SF3B3: variants seen among roughly 807,000 people sequenced by gnomAD.
The protein encoded by SF3B3 is splicing factor 3b subunit 3.
In SF3B3, 33 loss-of-function variants were observed where a neutral mutation model predicts 139.2. The observed-to-expected ratio is 0.24, with a 90% CI of 0.18 to 0.32. SF3B3 has a LOEUF of 0.32. SF3B3 is among the 10% of genes least tolerant of loss of function. SF3B3 has a pLI of 1.00. For missense variants in SF3B3, 818 were observed against 1,509.4 expected, an observed-to-expected ratio of 0.54 and a Z score of 7.59; for synonymous variants, 596 against 563.6, an observed-to-expected ratio of 1.06 and a Z score of -0.81.
chr16:70,528,073 C>G (rs945286981), intron 2 of SF3B3, among the ~76,000 whole-genome samples: 1 of 151,924 alleles, frequency 6.6e-6, no homozygotes, highest in African/African-American at 2.4e-5. Flanking sequence ...CTGTGCCCTG[C>G]TGAAAGCACA....
At chr16:70,536,457 G>C (rs112632545) in intron 6 of SF3B3, among the ~76,000 whole-genome samples, 2 of 152,028 alleles carry the variant, frequency 1.3e-5, no homozygotes, top group South Asian at 4.2e-4. Flanking sequence ...TCCGCCTCCC[G>C]GGTTCACGCC....
At chr16:70,556,422 G>A in intron 14 of SF3B3, 88 bp downstream of exon 14, 1 of 1,429,086 alleles carries the variant, frequency 7.0e-7, no homozygotes, top group Non-Finnish European at 9.8e-7. Context: ...CACTCCTGAT[G>A]TCTATCTCTG....
At chr16:70,544,813 C>G (rs756165803) in intron 10 of SF3B3, among the ~76,000 whole-genome samples, 17 of 151,768 alleles carry the variant, frequency 1.1e-4, no homozygotes, top group African/African-American at 3.9e-4. Context: ...GCCTCAGCCT[C>G]CCAAAGTGTT....
At chr16:70,567,637 G>T in intron 21 of SF3B3, 101 bp downstream of exon 21, 3 of 1,376,934 alleles carry the variant, frequency 2.2e-6, no homozygotes. Context: ...ATCTTTATTA[G>T]GACTTGTTGT....
At chr16:70,532,648 C>T (rs568280835) in intron 5 of SF3B3, 28 bp downstream of exon 5, 6 of 1,610,950 alleles carry the variant, frequency 3.7e-6, no homozygotes, top group Non-Finnish European at 3.4e-6. Flanking sequence ...CTGCTTTGTA[C>T]CCTTTTACTT....
rs1303470296 is a variant in SF3B3, at chr16:70,575,361, G to C, written c.*3548G>C. 6.6e-6 allele frequency: 1 copy of C among 151,772 alleles called. No homozygotes were observed. Among genetic ancestry groups the C allele is most frequent in the Non-Finnish European group, 1.5e-5 (1 of 67,976 alleles). The allele number at this position is 151,772 out of a possible 1,614,324, so 9.4% of individuals were successfully genotyped here. A position where few individuals can be genotyped will look rare whatever the true frequency, so the allele number is the denominator to read the frequency against. On this transcript the variant is annotated 3_prime_UTR_variant, in exon 26 of 26. Transcript: ENST00000302516. ...CTACAGGCATGCACCACCATGCCTG[G>C]CTAATTTTTGTATTTTTAGTAGAGA...
At position 70,565,464 on chromosome 16, in the gene SF3B3, G is replaced by A. The variant is rs1426617817; in HGVS notation, c.2766G>A (p.Gly922=). Reference sequence around the variant, plus strand: ...TACTAAACCCCCGATCTGTGGCAGGGGGCTTCGTCTATACTTACAAGCTTG... The same window carrying A: ...TACTAAACCCCCGATCTGTGGCAGGAGGCTTCGTCTATACTTACAAGCTTG... ...DLILNPRSVA[G]GFVYTYKLVN... The change falls in exon 20 of 26, where the codon GGG becomes GGA. Residue 922 remains glycine, a synonymous_variant. Coordinates refer to ENST00000302516, the MANE Select transcript of SF3B3 (RefSeq NM_012426.5). 6.2e-7 allele frequency: 1 copy of A among 1,614,062 alleles called. No individual in the cohort carries two copies. The highest frequency in any genetic ancestry group is 1.3e-5 in the African/African-American group (1 of 74,916).
Position 70,556,165 on chromosome 16 carries a change from C to A in SF3B3, c.1711-14C>A, listed in dbSNP as rs772621233. On this transcript the variant is annotated splice_polypyrimidine_tract_variant and intron_variant, in intron 13 of 25. Transcript: ENST00000302516. ...CTCTGTAGTTTTGACCTTGCTGTGT[C>A]TTTCCTCCTGTAGTCAGGACAGCTG... 1 of 1,613,958 alleles carries A rather than the reference C, an allele frequency of 6.2e-7. No homozygotes were observed. Among genetic ancestry groups the A allele is most frequent in the Non-Finnish European group, 8.5e-7 (1 of 1,179,960 alleles).
At chr16:70,549,591 T>C (rs2050302161) in intron 11 of SF3B3, among the ~76,000 whole-genome samples, 1 of 152,236 alleles carries the variant, frequency 6.6e-6, no homozygotes, top group Non-Finnish European at 1.5e-5. Context: ...TTGTGTTCTT[T>C]CTTTTTTTCT....
intron 10 of SF3B3, among the ~76,000 whole-genome samples, 153 bp from the exon 11 acceptor site, chr16:70,548,217 T>G (rs1396571275): frequency 6.6e-6 from 1 of 152,176 alleles, no homozygotes; most frequent in African/African-American, 2.4e-5. Flanking sequence ...GCCTGTTTGG[T>G]TCTTAGATTC....
At chr16:70,529,569 T>G (rs2151774805) in intron 3 of SF3B3, 1 of 229,950 alleles carries the variant, frequency 4.3e-6, no homozygotes, top group East Asian at 1.2e-4. Context: ...AAGAAAATTT[T>G]TGTGTGTCTG....
At chr16:70,545,108 A>G (rs2050255396) in intron 10 of SF3B3, among the ~76,000 whole-genome samples, 1 of 152,006 alleles carries the variant, frequency 6.6e-6, no homozygotes, top group African/African-American at 2.4e-5. Flanking sequence ...TCTGTCTCCC[A>G]TGCTGGAGTG....
At chr16:70,566,004 C>G (rs1178025435) in intron 20 of SF3B3, among the ~76,000 whole-genome samples, 2 of 151,978 alleles carry the variant, frequency 1.3e-5, no homozygotes, top group African/African-American at 2.4e-5. Context: ...GTAATCCCAG[C>G]TGCTCGGGAG....
At chr16:70,556,087 T>G (rs371746248) in intron 13 of SF3B3, 92 bp from the exon 14 acceptor site, 2 of 1,324,216 alleles carry the variant, frequency 1.5e-6, no homozygotes, top group Admixed American at 3.7e-5. Flanking sequence ...ACAGCCCTCC[T>G]TCATTCTCTG....
At chr16:70,530,091 A>G (rs2050105632) in intron 3 of SF3B3, among the ~76,000 whole-genome samples, 1 of 151,346 alleles carries the variant, frequency 6.6e-6, no homozygotes. Context: ...GCGCTACTGC[A>G]CTCCAGCCCG....
chr16:70,539,010 T>C, intron 7 of SF3B3, 94 bp from the exon 8 acceptor site: 1 of 908,842 alleles, frequency 1.1e-6, no homozygotes, highest in Non-Finnish European at 1.8e-6. Context: ...AGATATGAAA[T>C]ACAGTATTTT....
intron 19 of SF3B3, 22 bp from the exon 20 acceptor site, chr16:70,565,346 T>C: frequency 6.2e-7 from 1 of 1,614,010 alleles, no homozygotes; most frequent in East Asian, 2.2e-5. Flanking sequence ...GGCCTTACTC[T>C]TGCTTCTTAT....
chr16:70,538,141 G>A lies in SF3B3; in HGVS notation c.826-182G>A, dbSNP rs1470152057. ...TCTTTTGGTTACCCAGATTTTATTAGATATTTATATTAGAATTTTGAGCTG... is the reference window on the plus strand; with the variant it reads ...TCTTTTGGTTACCCAGATTTTATTAAATATTTATATTAGAATTTTGAGCTG... On this transcript the variant is annotated intron_variant, in intron 6 of 25. Transcript: ENST00000302516. 4 of 733,736 alleles carry A rather than the reference G, an allele frequency of 5.5e-6. No homozygotes were observed. In the South Asian group the frequency reaches 5.6e-5, roughly 10 times the overall value. The allele number at this position is 733,736 out of a possible 1,614,324, so 45.5% of individuals were successfully genotyped here.
At chr16:70,561,232 G>A (rs1325298838) in intron 16 of SF3B3, 1 of 159,336 alleles carries the variant, frequency 6.3e-6, no homozygotes, top group Non-Finnish European at 1.4e-5. Flanking sequence ...TGTTGGCCAG[G>A]TTGGCCTCGA....
Sources: gnomAD v4.1 joint callset for allele counts (sites outside exome capture counted in the v4.1 genomes callset) on GRCh38, gnomAD v4.1.1 for gene constraint, MANE v1.5 for transcripts, NCBI Gene and HGNC (gene_info 2026-07-23, HGNC 2026-07-21) for gene names.